MYBPC1: variants seen among roughly 807,000 people sequenced by gnomAD.
MYBPC1 encodes myosin-binding protein C, slow-type.
A neutral mutation model predicts 147.1 loss-of-function variants in MYBPC1; 52 were observed. The observed-to-expected ratio is 0.35, with a 90% CI of 0.28 to 0.45. The LOEUF (loss-of-function observed/expected upper bound fraction) is 0.45, where lower values mean the gene tolerates loss of function less well. Ranked by LOEUF, MYBPC1 falls within the 20% of genes least tolerant of loss-of-function variation. MYBPC1 has a pLI of 1.00. For synonymous variants in MYBPC1, 477 were observed against 475.9 expected (o/e 1.00, Z -0.03); for missense variants, 1,228 against 1,440.3 (o/e 0.85, Z 2.39).
intron 1 of MYBPC1, among the ~76,000 whole-genome samples, chr12:101,612,041 C>T (rs1196058468): frequency 6.8e-6 from 1 of 147,942 alleles, no homozygotes; most frequent in Non-Finnish European, 1.5e-5. Context: ...CACGCCACTG[C>T]ACTCCAGCCT....
At chr12:101,695,200 A>G in the MYBPC1 span, among the ~76,000 whole-genome samples, 2 of 152,212 alleles carry the variant, frequency 1.3e-5, no homozygotes, top group South Asian at 4.1e-4. Context: ...ATCTCCAGAG[A>G]CATATTCCAA....
chr12:101,629,646 G>A (rs1445945228), intron 6 of MYBPC1, 102 bp downstream of exon 6: 4 of 822,754 alleles, frequency 4.9e-6, no homozygotes, highest in Non-Finnish European at 8.0e-6. Flanking sequence ...GTCCAGACAG[G>A]CAGATCATTT....
At chr12:101,637,438 T>A (rs1207966718) in intron 10 of MYBPC1, among the ~76,000 whole-genome samples, 1 of 152,142 alleles carries the variant, frequency 6.6e-6, no homozygotes, top group African/African-American at 2.4e-5. Context: ...ACTGCTATAC[T>A]CTTCACTAGG....
At chr12:101,689,474 C>T (rs2136982362), downstream of MYBPC1, among the ~76,000 whole-genome samples, 1 of 152,242 alleles carries the variant, frequency 6.6e-6, no homozygotes, top group East Asian at 1.9e-4. Context: ...TCTGAAACAT[C>T]CCTGACAAGC....
chr12:101,661,229 C>T lies in MYBPC1; in HGVS notation c.1999C>T (p.Pro667Ser). The change falls in exon 20 of 32, where the codon CCT becomes TCT. Residue 667 changes from proline (P) to serine (S), a missense_variant. Physicochemically the swap from Pro to Ser is moderately conservative, Grantham distance 74. Transcript: ENST00000361466. ...TGACTGGTGTATCATGAACTGGGAG[C>T]CTCCTGCCTACGACGGAGGCTCTCC... ...GDDWCIMNWE[P>S]PAYDGGSPIL... 1 of 1,613,718 alleles carries T rather than the reference C, an allele frequency of 6.2e-7. No individual in the cohort carries two copies. Among genetic ancestry groups the T allele is most frequent in the South Asian group, 1.1e-5 (1 of 91,036 alleles).
At chr12:101,671,329 A>ACT (rs143594010) in intron 24 of MYBPC1, among the ~76,000 whole-genome samples, 50,149 of 138,268 alleles carry the variant, frequency 0.36, 9,245 homozygotes, top group Admixed American at 0.52. Context: ...ACACACACAC[A>ACT]CACACACACT....
chr12:101,626,755 C>T, intron 3 of MYBPC1, 117 bp from the exon 4 acceptor site: 1 of 885,846 alleles, frequency 1.1e-6, no homozygotes, highest in South Asian at 1.4e-5. Flanking sequence ...AAGGCTTGCT[C>T]AGCAGTTGAA....
chr12:101,626,012 C>T (rs538834373), intron 3 of MYBPC1, among the ~76,000 whole-genome samples: 3 of 141,202 alleles, frequency 2.1e-5, no homozygotes, highest in South Asian at 2.3e-4. Flanking sequence ...CGCTTGAACC[C>T]GGGAGGCGGA....
intron 18 of MYBPC1, among the ~76,000 whole-genome samples, chr12:101,655,531 TA>T (rs1200660626): frequency 6.6e-6 from 1 of 152,156 alleles, no homozygotes; most frequent in Non-Finnish European, 1.5e-5. Context: ...TCCTAACAAG[TA>T]AAAAGCTGGA....
At chr12:101,663,308 T>C in intron 21 of MYBPC1, 118 bp from the exon 22 acceptor site, 1 of 921,646 alleles carries the variant, frequency 1.1e-6, no homozygotes, top group Non-Finnish European at 1.8e-6. Flanking sequence ...CTGAATTTCA[T>C]TAAGATGTAG....
chr12:101,596,689 C>G (rs561891025), intron 1 of MYBPC1, among the ~76,000 whole-genome samples: 1 of 152,334 alleles, frequency 6.6e-6, no homozygotes. Context: ...CATTTGACAA[C>G]TCAGTCTGAT....
chr12:101,639,913 G>A (rs974112897), intron 10 of MYBPC1, among the ~76,000 whole-genome samples: 4 of 151,634 alleles, frequency 2.6e-5, no homozygotes, highest in Non-Finnish European at 5.9e-5. Flanking sequence ...TATAGTCTGG[G>A]GACTATATTT....
intron 9 of MYBPC1, among the ~76,000 whole-genome samples, chr12:101,635,687 T>G (rs1379319950): frequency 6.6e-6 from 1 of 152,188 alleles, no homozygotes; most frequent in Non-Finnish European, 1.5e-5. Context: ...AGAAATGTAT[T>G]TACTTCAAAA....
intron 19 of MYBPC1, 161 bp downstream of exon 19, chr12:101,659,992 C>A: frequency 2.2e-6 from 2 of 922,318 alleles, no homozygotes; most frequent in Non-Finnish European, 3.4e-6. Context: ...GAAAGAAGAG[C>A]TAAGGTCAGC....
chr12:101,643,706 T>G (rs1293517313), intron 11 of MYBPC1, among the ~76,000 whole-genome samples: 1 of 152,178 alleles, frequency 6.6e-6, no homozygotes, highest in Non-Finnish European at 1.5e-5. Context: ...AAAAAAGAAG[T>G]TAACTATCTT....
chr12:101,661,350 G>A (rs748234386), intron 20 of MYBPC1, 88 bp downstream of exon 20: 29 of 823,248 alleles, frequency 3.5e-5, no homozygotes, highest in Middle Eastern at 2.2e-4. Flanking sequence ...TTAAAGTATT[G>A]CATTTAGAAG....
chr12:101,629,293 G>A, intron 5 of MYBPC1, 141 bp from the exon 6 acceptor site: 1 of 697,912 alleles, frequency 1.4e-6, no homozygotes. Flanking sequence ...GCTGCTGGGG[G>A]CAGAAAGAAT....
At chr12:101,685,314 G>C (rs1951288898) in intron 31 of MYBPC1, among the ~76,000 whole-genome samples, 1 of 152,120 alleles carries the variant, frequency 6.6e-6, no homozygotes, top group South Asian at 2.1e-4. Context: ...CCAACCACTT[G>C]GGAATTTAAA....
chr12:101,632,594 G>A lies in MYBPC1; in HGVS notation c.556+456G>A, dbSNP rs192821871. On this transcript the variant is annotated intron_variant, in intron 8 of 31. Coordinates refer to ENST00000361466, the MANE Select transcript of MYBPC1 (RefSeq NM_002465.4). ...GCACTACCCAGAGTAAACATAGAAG[G>A]CCTAAATGCATACGATGAGGTTGGA... Among the ~76,000 whole-genome samples the A allele has an allele frequency of 1.2e-4, 19 of 152,250 alleles. No homozygotes were observed. The East Asian group carries it at 3.7e-3, about 29-fold the overall frequency.
Sources: gnomAD v4.1 joint callset for allele counts (sites outside exome capture counted in the v4.1 genomes callset) on GRCh38, gnomAD v4.1.1 for gene constraint, MANE v1.5 for transcripts, NCBI Gene and HGNC (gene_info 2026-07-23, HGNC 2026-07-21) for gene names.